Variants in YIPF5 observed in about 807,000 individuals in gnomAD.
YIPF5 encodes the protein protein YIPF5.
A neutral mutation model predicts 30.4 loss-of-function variants in YIPF5; 8 were observed. The observed-to-expected ratio is 0.26, with a 90% CI of 0.15 to 0.47. YIPF5 has a LOEUF of 0.47. YIPF5 is among the 20% of genes least tolerant of loss of function. The pLI is 0.99. For synonymous variants in YIPF5, 104 were observed against 107.9 expected (o/e 0.96, Z 0.23); for missense variants, 282 against 301.8 (o/e 0.93, Z 0.49).
intron 2 of YIPF5, among the ~76,000 whole-genome samples, chr5:144,169,038 T>C (rs1752281030): frequency 6.6e-6 from 1 of 152,152 alleles, no homozygotes; most frequent in African/African-American, 2.4e-5. Context: ...AGAGGCCCAG[T>C]TGTAATAGGA....
In YIPF5 at chr5:144,170,589, AC is replaced by A. The variant is rs1752351232; in HGVS notation, c.-66del. 1 of 152,742 alleles carries A rather than the reference AC, an allele frequency of 6.5e-6. No individual in the cohort carries two copies. The highest frequency in any genetic ancestry group is 1.9e-4 in the East Asian group (1 of 5,190). 9.5% of individuals were successfully genotyped at this position (152,742 alleles called of 1,614,324 possible). On this transcript the variant is annotated 5_prime_UTR_variant, in exon 1 of 6. Transcript: ENST00000274496. ...GCAGTAGCTTCACTAATCCCAAACA[AC>A]CCCCAAACTCTGTTTCAGACCCTGA...
chr5:144,167,711 A>C (rs1752239804), intron 2 of YIPF5, among the ~76,000 whole-genome samples: 1 of 152,204 alleles, frequency 6.6e-6, no homozygotes, highest in African/African-American at 2.4e-5. Flanking sequence ...CTATAGAGGA[A>C]ACCAAAAAAT....
intron 2 of YIPF5, among the ~76,000 whole-genome samples, chr5:144,166,689 T>C (rs966492967): frequency 1.3e-5 from 2 of 152,154 alleles, no homozygotes; most frequent in African/African-American, 4.8e-5. Context: ...TAACAGCCAG[T>C]TCAGCTTGCA....
At chr5:144,161,842 C>T (rs982815884) in intron 5 of YIPF5, among the ~76,000 whole-genome samples, 7 of 152,092 alleles carry the variant, frequency 4.6e-5, no homozygotes, top group Non-Finnish European at 2.9e-5. Flanking sequence ...TGGCATATGT[C>T]CAATGGTTTG....
Position 144,170,634 on chromosome 5 carries a change from T to C in YIPF5, c.-110A>G, listed in dbSNP as rs1186032777. 1.3e-5 allele frequency: 2 copies of C among 152,474 alleles called. No homozygotes were observed. Among genetic ancestry groups the C allele is most frequent in the Non-Finnish European group, 2.9e-5 (2 of 68,146 alleles). 9.4% of individuals were successfully genotyped at this position (152,474 alleles called of 1,614,324 possible). On this transcript the variant is annotated 5_prime_UTR_variant, in exon 1 of 6. Transcript: ENST00000274496. Reference sequence around the variant, plus strand: ...ACCCTGAACCAGCCCCGTTGCTACGTGTCACAGGGCCAAAGAACGGCTTCC... The same window carrying C: ...ACCCTGAACCAGCCCCGTTGCTACGCGTCACAGGGCCAAAGAACGGCTTCC...
intron 2 of YIPF5, 152 bp downstream of exon 2, chr5:144,169,694 A>G: frequency 1.5e-6 from 1 of 656,082 alleles, no homozygotes; most frequent in Middle Eastern, 3.9e-4. Flanking sequence ...AGCCAGTGTC[A>G]CATATCTCTC....
In YIPF5 at chr5:144,165,722, G is replaced by C. The variant is rs1752184132; in HGVS notation, c.111-118C>G. ...AGAACCTTAGTTGTGAAATTCCTCAGGTACAAACTTTGCCAATTTTTATAA... is the reference window on the plus strand; with the variant it reads ...AGAACCTTAGTTGTGAAATTCCTCACGTACAAACTTTGCCAATTTTTATAA... On this transcript the variant is annotated intron_variant, in intron 2 of 5. Coordinates refer to ENST00000274496, the MANE Select transcript of YIPF5 (RefSeq NM_030799.9). The C allele has an allele frequency of 3.8e-6, 4 of 1,053,788 alleles. No individual in the cohort carries two copies. In the South Asian group the frequency reaches 8.6e-5, roughly 23 times the overall value. The allele number at this position is 1,053,788 out of a possible 1,614,324, so 65.3% of individuals were successfully genotyped here. A position where few individuals can be genotyped will look rare whatever the true frequency, so the allele number is the denominator to read the frequency against.
At position 144,164,264 on chromosome 5, in the gene YIPF5, G is replaced by T; in HGVS notation, c.284-8C>A. 3 of 1,591,832 alleles carry T rather than the reference G, an allele frequency of 1.9e-6. No homozygotes were observed. Among genetic ancestry groups the T allele is most frequent in the South Asian group, 2.3e-5 (2 of 86,174 alleles). On this transcript the variant is annotated splice_region_variant and splice_polypyrimidine_tract_variant and intron_variant, in intron 3 of 5. Transcript: ENST00000274496. ...CAAAATTGATACCTAACTCTAAAGA[G>T]AAAGAAAATTTAAAAGTTAATTAGG...
chr5:144,159,884 A>G lies in YIPF5; in HGVS notation c.*513T>C. On this transcript the variant is annotated 3_prime_UTR_variant, in exon 6 of 6. Coordinates refer to ENST00000274496, the MANE Select transcript of YIPF5 (RefSeq NM_030799.9). ...ACCACGCCCAGCTAATTTTTTTTGT[A>G]GTTTTAGTAGAGTCGGGGTTTCACC... 1.7e-6 allele frequency: 1 copy of G among 597,454 alleles called. No individual in the cohort carries two copies. Among genetic ancestry groups the G allele is most frequent in the Non-Finnish European group, 2.1e-6 (1 of 477,742 alleles). 37.0% of individuals were successfully genotyped at this position (597,454 alleles called of 1,614,324 possible).
At position 144,169,157 on chromosome 5, in the gene YIPF5, T is replaced by C. The variant is rs140002879; in HGVS notation, c.110+689A>G. Among the ~76,000 whole-genome samples the C allele has an allele frequency of 2.6e-4, 40 of 152,262 alleles. No homozygotes were observed. The East Asian group carries it at 7.3e-3, about 28-fold the overall frequency. ...GATTATCTCTAGGGTCCTAAGAAACTAAGGAGATGATGTTTTAGGTGAGAT... is the reference window on the plus strand; with the variant it reads ...GATTATCTCTAGGGTCCTAAGAAACCAAGGAGATGATGTTTTAGGTGAGAT... On this transcript the variant is annotated intron_variant, in intron 2 of 5. Transcript: ENST00000274496.
intron 5 of YIPF5, 24 bp downstream of exon 5, chr5:144,162,194 C>T (rs1288177528): frequency 6.2e-7 from 1 of 1,604,978 alleles, no homozygotes; most frequent in Non-Finnish European, 8.5e-7. Context: ...TCAATCAACC[C>T]CCAAAATAAA....
chr5:144,168,005 A>G (rs1752248067), intron 2 of YIPF5, among the ~76,000 whole-genome samples: 1 of 152,216 alleles, frequency 6.6e-6, no homozygotes, highest in African/African-American at 2.4e-5. Context: ...ACTCAAATTT[A>G]TTACTGTTAA....
At chr5:144,166,217 T>A (rs1752199645) in intron 2 of YIPF5, among the ~76,000 whole-genome samples, 1 of 152,204 alleles carries the variant, frequency 6.6e-6, no homozygotes, top group Non-Finnish European at 1.5e-5. Context: ...ACACTTTGCA[T>A]TTGAATAGTA....
At chr5:144,169,324 A>G (rs1752292214) in intron 2 of YIPF5, among the ~76,000 whole-genome samples, 1 of 152,194 alleles carries the variant, frequency 6.6e-6, no homozygotes, top group Admixed American at 6.5e-5. Context: ...GGCACTGACC[A>G]TAAGGGTTTG....
intron 2 of YIPF5, among the ~76,000 whole-genome samples, chr5:144,166,128 C>T (rs1240540488): frequency 2.0e-5 from 3 of 152,196 alleles, no homozygotes; most frequent in African/African-American, 7.2e-5. Flanking sequence ...TTAAGAAAAA[C>T]CATCAATTTA....
In YIPF5 at chr5:144,169,914, T is replaced by A; in HGVS notation, c.42A>T (p.Thr14=). ...GTGACTGATCATCGATGCTGTAACT[T>A]GTCTGGTAGAAATCCGTGTTTAAGT... ...FENLNTDFYQ[T]SYSIDDQSQQ... Residue 14 remains threonine (T), a synonymous_variant, in exon 2 of 6, where the codon ACA becomes ACT. Coordinates refer to ENST00000274496, the MANE Select transcript of YIPF5 (RefSeq NM_030799.9). 2 of 1,614,242 alleles carry A rather than the reference T, an allele frequency of 1.2e-6. No individual in the cohort carries two copies. Among genetic ancestry groups the A allele is most frequent in the East Asian group, 4.5e-5 (2 of 44,882 alleles).
Position 144,160,245 on chromosome 5 carries a change from T to C in YIPF5, c.*152A>G. ...ATAGTATGCAAAAGTTCTATAAAAA[T>C]GAACAAGAGATACACGTTTACTTTC... is the stretch of plus-strand genomic sequence containing the variant. On this transcript the variant is annotated 3_prime_UTR_variant, in exon 6 of 6. Coordinates refer to ENST00000274496, the MANE Select transcript of YIPF5 (RefSeq NM_030799.9). The C allele has an allele frequency of 6.9e-7, 1 of 1,457,580 alleles. No individual in the cohort carries two copies. 90.3% of individuals were successfully genotyped at this position (1,457,580 alleles called of 1,614,324 possible). A position where few individuals can be genotyped will look rare whatever the true frequency, so the allele number is the denominator to read the frequency against.
chr5:144,168,635 G>T (rs183343242), intron 2 of YIPF5, among the ~76,000 whole-genome samples: 1 of 152,246 alleles, frequency 6.6e-6, no homozygotes, highest in African/African-American at 2.4e-5. Flanking sequence ...GAATCACGGG[G>T]TATTTTGACA....
At position 144,159,592 on chromosome 5, in the gene YIPF5, CAT is replaced by C. The variant is rs2126754151; in HGVS notation, c.*803_*804del. On this transcript the variant is annotated 3_prime_UTR_variant, in exon 6 of 6. Transcript: ENST00000274496. ...ATGTCAAATTTTTGGAGTGCAAACT[CAT>C]ACTCTACATTTGGATCACTTTTTTG... 1.0e-6 allele frequency: 1 copy of C among 985,244 alleles called. No individual in the cohort carries two copies. Among genetic ancestry groups the C allele is most frequent in the East Asian group, 1.1e-4 (1 of 8,812 alleles). The allele number at this position is 985,244 out of a possible 1,614,324, so 61.0% of individuals were successfully genotyped here.
Sources: gnomAD v4.1 joint callset for allele counts (sites outside exome capture counted in the v4.1 genomes callset) on GRCh38, gnomAD v4.1.1 for gene constraint, MANE v1.5 for transcripts, NCBI Gene and HGNC (gene_info 2026-07-23, HGNC 2026-07-21) for gene names.